The following ZNF611 variants were observed in gnomAD, a reference collection of about 807,000 sequenced individuals.
ZNF611 encodes the protein zinc finger protein 611.
Under a neutral mutation model 8.9 loss-of-function variants are expected in ZNF611, and 6 were observed. That is an observed-to-expected ratio of 0.68 (90% CI 0.37 to 1.34). The LOEUF (loss-of-function observed/expected upper bound fraction) is 1.34, where lower values mean the gene tolerates loss of function less well. Among genes scored for constraint, ZNF611 ranks in the 40% most tolerant of loss-of-function variants. The pLI is 0.02. For missense variants in ZNF611, 874 were observed against 841.3 expected, an observed-to-expected ratio of 1.04 and a Z score of -0.48; for synonymous variants, 262 against 279.7, an observed-to-expected ratio of 0.94 and a Z score of 0.63.
intron 1 of ZNF611, among the ~76,000 whole-genome samples, chr19:52,732,316 T>A (rs112284145): frequency 1.6e-4 from 22 of 137,264 alleles, no homozygotes; most frequent in Middle Eastern, 3.8e-3. Flanking sequence ...TGAGTTATTC[T>A]GAATAACTCA....
At chr19:52,727,907 C>CT (rs11319896) in intron 3 of ZNF611, among the ~76,000 whole-genome samples, 1,575 of 105,860 alleles carry the variant, frequency 0.015, 40 homozygotes, top group African/African-American at 0.033. Flanking sequence ...TGTTGTGTGC[C>CT]TTTTTTTTTT....
intron 3 of ZNF611, among the ~76,000 whole-genome samples, chr19:52,726,653 C>T (rs926661544): frequency 2.0e-5 from 3 of 151,618 alleles, no homozygotes; most frequent in African/African-American, 7.3e-5. Context: ...CTCCTGACCC[C>T]GTGATCCACC....
intron 3 of ZNF611, among the ~76,000 whole-genome samples, chr19:52,720,092 G>A (rs945810168): frequency 1.3e-5 from 2 of 152,184 alleles, no homozygotes; most frequent in Non-Finnish European, 2.9e-5. Context: ...TGGGGGTAGG[G>A]TTACACATTA....
chr19:52,725,593 G>A (rs1024510633), intron 3 of ZNF611, among the ~76,000 whole-genome samples: 4 of 152,210 alleles, frequency 2.6e-5, no homozygotes, highest in Non-Finnish European at 5.9e-5. Context: ...TCTTATGGGC[G>A]TCTCAATTTG....
chr19:52,709,566 G>GGCAAAGACTAGTGCTTTTATAAAAAGA (rs1449394192), intron 5 of ZNF611, among the ~76,000 whole-genome samples: 1 of 150,934 alleles, frequency 6.6e-6, no homozygotes. Context: ...CACCATGCCC[G>GGCAAAGACTAGTGCTTTTATAAAAAGA]GACTCTTTAT....
chr19:52,726,346 G>A (rs912746667), intron 3 of ZNF611, among the ~76,000 whole-genome samples: 1 of 152,194 alleles, frequency 6.6e-6, no homozygotes, highest in Non-Finnish European at 1.5e-5. Context: ...CAGCCTGGGC[G>A]ACAAAGTAAC....
chr19:52,720,251 G>A (rs1568606037), intron 3 of ZNF611, among the ~76,000 whole-genome samples: 1 of 152,160 alleles, frequency 6.6e-6, no homozygotes, highest in South Asian at 2.1e-4. Flanking sequence ...AACCGCCATC[G>A]TCATCATGGC....
At chr19:52,707,775 C>T (rs1166084381) in intron 5 of ZNF611, among the ~76,000 whole-genome samples, 2 of 151,782 alleles carry the variant, frequency 1.3e-5, no homozygotes, top group East Asian at 3.9e-4. Context: ...GCTTGGACTA[C>T]AGGCATGCAC....
chr19:52,706,250 T>C lies in ZNF611; in HGVS notation c.805A>G (p.Asn269Asp). ...TGGCATGCAAGGTATTGCTCGTGAT[T>C]AAAGAGCTTGCCACATACATCACAT... ...YKCDVCGKLF[N>D]HEQYLACHDR... is the part of the protein sequence containing the mutation. The change falls in exon 6 of 6, where the codon AAT becomes GAT. Residue 269 changes from asparagine (N) to aspartate (D), a missense_variant. Transcript: ENST00000652185. The C allele has an allele frequency of 6.2e-7, 1 of 1,614,182 alleles. No homozygotes were observed. The highest frequency in any genetic ancestry group is 8.5e-7 in the Non-Finnish European group (1 of 1,180,028).
rs1413110364 is a variant in ZNF611, at chr19:52,706,039, C to A, written c.1016G>T (p.Gly339Val). Residue 339 changes from glycine (G) to valine (V), a missense_variant, in exon 6 of 6, where the codon GGA becomes GTA. Gly to Val is a moderately radical substitution (Grantham distance 109, BLOSUM62 -3). Transcript: ENST00000652185. ...TTCATTACACTTGTAAGGATTTTCTCCAGTATCAATTGCCTTATCAATTAG... is the reference window on the plus strand; with the variant it reads ...TTCATTACACTTGTAAGGATTTTCTACAGTATCAATTGCCTTATCAATTAG... ...ALLIDKAIDT[G>V]ENPYKCNECD... 24 of 1,614,128 alleles carry A rather than the reference C, an allele frequency of 1.5e-5. No individual in the cohort carries two copies. The highest frequency in any genetic ancestry group is 1.9e-5 in the Non-Finnish European group (22 of 1,180,026).
At position 52,703,194 on chromosome 19, in the gene ZNF611, A is replaced by ATAAAT. The variant is rs1555794281; in HGVS notation, c.*1742_*1743insATTTA. The ATAAAT allele has an allele frequency of 1.3e-5, 2 of 151,764 alleles. No individual in the cohort carries two copies. Among genetic ancestry groups the ATAAAT allele is most frequent in the South Asian group, 2.1e-4 (1 of 4,808 alleles). 9.4% of individuals were successfully genotyped at this position (151,764 alleles called of 1,614,324 possible). A position where few individuals can be genotyped will look rare whatever the true frequency, so the allele number is the denominator to read the frequency against. ...GCAAAATAAATAAATAAATAAATAA[A>ATAAAT]AAATAAAGAGAGAAATGAAGAGGAA... On this transcript the variant is annotated 3_prime_UTR_variant, in exon 6 of 6. Coordinates refer to ENST00000652185, the MANE Select transcript of ZNF611 (RefSeq NM_001161499.2).
Position 52,706,347 on chromosome 19 carries a change from A to C in ZNF611, c.708T>G (p.Ser236Arg). Reference protein sequence around the residue: ...MREKSFQCNKSGKAFNCSSLL... With the variant: ...MREKSFQCNKRGKAFNCSSLL... ...GTGAGCTACAATTAAAGGCTTTGCCACTCTTATTACATTGGAAAGATTTTT... is the reference window on the plus strand; with the variant it reads ...GTGAGCTACAATTAAAGGCTTTGCCCCTCTTATTACATTGGAAAGATTTTT... Residue 236 changes from serine (S) to arginine (R), a missense_variant, in exon 6 of 6, where the codon AGT (serine) becomes AGG (arginine). Physicochemically the swap from Ser to Arg is moderately radical, Grantham distance 110. Transcript: ENST00000652185. 6.2e-7 allele frequency: 1 copy of C among 1,614,130 alleles called. No homozygotes were observed. Among genetic ancestry groups the C allele is most frequent in the African/African-American group, 1.3e-5 (1 of 75,012 alleles).
Position 52,702,944 on chromosome 19 carries a change from T to G in ZNF611, c.*1993A>C, listed in dbSNP as rs1173520626. 1 of 152,148 alleles carries G rather than the reference T, an allele frequency of 6.6e-6. No homozygotes were observed. Among genetic ancestry groups the G allele is most frequent in the Non-Finnish European group, 1.5e-5 (1 of 68,030 alleles). 9.4% of individuals were successfully genotyped at this position (152,148 alleles called of 1,614,324 possible). ...CAAAGACTAGAAAGCATGCAGACATTGATATGAACTGGATGCAACTAATTT... is the reference window on the plus strand; with the variant it reads ...CAAAGACTAGAAAGCATGCAGACATGGATATGAACTGGATGCAACTAATTT... On this transcript the variant is annotated 3_prime_UTR_variant, in exon 6 of 6. Coordinates refer to ENST00000652185, the MANE Select transcript of ZNF611 (RefSeq NM_001161499.2).
intron 5 of ZNF611, among the ~76,000 whole-genome samples, chr19:52,712,467 A>AC (rs1304019771): frequency 6.9e-6 from 1 of 144,110 alleles, no homozygotes; most frequent in East Asian, 2.0e-4. Context: ...AAAAAAAAAA[A>AC]AAAAAAAAAA....
rs2062219428 is a variant in ZNF611 at position 52,703,609 on chromosome 19, T to TTTTTA, written c.*1327_*1328insTAAAA. 2 of 149,552 alleles carry TTTTTA rather than the reference T, an allele frequency of 1.3e-5. No homozygotes were observed. The highest frequency in any genetic ancestry group is 4.9e-5 in the African/African-American group (2 of 40,404). 9.3% of individuals were successfully genotyped at this position (149,552 alleles called of 1,614,324 possible). ...ATATCCTTTTTTTTTTTTTTTTTTT[T>TTTTTA]GAGATAGACTCTCACTCTGTCGCCC... On this transcript the variant is annotated 3_prime_UTR_variant, in exon 6 of 6. Transcript: ENST00000652185.
chr19:52,722,442 T>A (rs1254938048), intron 3 of ZNF611, among the ~76,000 whole-genome samples: 1 of 152,158 alleles, frequency 6.6e-6, no homozygotes, highest in Admixed American at 6.6e-5. Context: ...AAGTTGTTTT[T>A]TTCTTTTTCC....
intron 4 of ZNF611, 84 bp downstream of exon 4, chr19:52,715,748 G>C: frequency 6.3e-7 from 1 of 1,585,034 alleles, no homozygotes; most frequent in Non-Finnish European, 8.5e-7. Context: ...AGATGCTTCA[G>C]ACTCAGAAAA....
intron 3 of ZNF611, among the ~76,000 whole-genome samples, chr19:52,728,320 T>C (rs986995618): frequency 4.6e-5 from 7 of 152,214 alleles, no homozygotes; most frequent in South Asian, 2.1e-4. Context: ...TGGAGGATCA[T>C]CTGAAATCAG....
intron 5 of ZNF611, among the ~76,000 whole-genome samples, chr19:52,712,472 A>AC (rs2062286919): frequency 6.7e-6 from 1 of 148,708 alleles, no homozygotes; most frequent in Non-Finnish European, 1.5e-5. Flanking sequence ...AAAAAAAAAA[A>AC]AAAAAAAAAA....
Sources: gnomAD v4.1 joint callset for allele counts (sites outside exome capture counted in the v4.1 genomes callset) on GRCh38, gnomAD v4.1.1 for gene constraint, MANE v1.5 for transcripts, NCBI Gene and HGNC (gene_info 2026-07-23, HGNC 2026-07-21) for gene names.